The following ARHGEF2 variants were observed in gnomAD, a reference collection of about 807,000 sequenced individuals.
The protein encoded by ARHGEF2 is Rho/Rac guanine nucleotide exchange factor 2, also known as rho guanine nucleotide exchange factor 2.
Under a neutral mutation model 121.0 loss-of-function variants are expected in ARHGEF2, and 22 were observed. That is an observed-to-expected ratio of 0.18 (90% confidence interval 0.13 to 0.26). The LOEUF (loss-of-function observed/expected upper bound fraction) is 0.26. Among genes scored for constraint, ARHGEF2 ranks in the 10% least tolerant of loss-of-function variants. The probability of loss-of-function intolerance (pLI) is 1.00; values close to 1 mark genes in which losing one functional copy is unlikely to be tolerated. For missense variants in ARHGEF2, 907 were observed against 1,336.0 expected (o/e 0.68, Z 5.01); for synonymous variants, 487 against 530.0 (o/e 0.92, Z 1.11).
upstream of ARHGEF2, chr1:155,979,396 A>C: frequency 1.1e-6 from 1 of 914,654 alleles, no homozygotes; most frequent in Non-Finnish European, 1.3e-6. Context: ...CCCAAGAAGC[A>C]GGGTAAGGTG....
At chr1:155,969,594 C>T (rs1024271052) in intron 1 of ARHGEF2, 6 of 1,245,234 alleles carry the variant, frequency 4.8e-6, no homozygotes, top group Middle Eastern at 3.3e-4. Context: ...TAGGTCTCTG[C>T]GTCCTCACTC....
At chr1:155,976,459 GC>G (rs1681307879) in intron 1 of ARHGEF2, among the ~76,000 whole-genome samples, 1 of 141,296 alleles carries the variant, frequency 7.1e-6, no homozygotes, top group African/African-American at 2.7e-5. Flanking sequence ...CAAATTACCT[GC>G]CCCACACAGC....
In ARHGEF2 at chr1:155,969,072, T is replaced by C; in HGVS notation, c.208+84A>G. ...GGATCAGAGAGAAGAGTGACCCTCA[T>C]GGATCCAGGCAGAAAAAACAGATGA... is the stretch of plus-strand genomic sequence containing the variant. On this transcript the variant is annotated intron_variant, in intron 2 of 21. Transcript: ENST00000361247. 3 of 1,545,392 alleles carry C rather than the reference T, an allele frequency of 1.9e-6. 1 individual carries two copies. In the South Asian group the frequency reaches 3.6e-5, roughly 18 times the overall value.
chr1:155,967,369 G>A (rs1025379321), intron 2 of ARHGEF2, among the ~76,000 whole-genome samples: 7 of 152,148 alleles, frequency 4.6e-5, no homozygotes, highest in African/African-American at 1.2e-4. Context: ...CTAACCACCC[G>A]TAGAGGGAGG....
Position 155,958,364 on chromosome 1 carries a change from C to A in ARHGEF2, c.1501G>T (p.Val501Leu). The change falls in exon 12 of 22, where the codon GTG (valine) becomes TTG (leucine). Residue 501 changes from valine (V) to leucine (L), a missense_variant. Around this residue, in one of 2 missense-constraint regions of ARHGEF2, gnomAD observed 475 missense variants for 776.5 expected, o/e 0.61. Transcript: ENST00000361247. ...TTCTGGTCCTTTTCCTGGAGAAACA[C>A]CAGTACATCTGTCATCAGCAGCACT... ...VLVLLMTDVL[V>L]FLQEKDQKYI... 6.2e-7 allele frequency: 1 copy of A among 1,613,938 alleles called. No individual in the cohort carries two copies. Among genetic ancestry groups the A allele is most frequent in the Non-Finnish European group, 8.5e-7 (1 of 1,179,902 alleles).
At chr1:155,966,372 G>T (rs781142993) in intron 4 of ARHGEF2, 44 bp downstream of exon 4, 1 of 1,599,288 alleles carries the variant, frequency 6.3e-7, no homozygotes, top group South Asian at 1.1e-5. Context: ...AGCAGCCTGG[G>T]GTCCAGGGTC....
intron 12 of ARHGEF2, 128 bp downstream of exon 12, chr1:155,958,192 C>T (rs1022760617): frequency 4.0e-5 from 29 of 729,866 alleles, no homozygotes; most frequent in Middle Eastern, 4.8e-4. Flanking sequence ...TTTATTATTA[C>T]GGTAATAGTA....
At chr1:155,953,947 A>G (rs1676057369) in intron 14 of ARHGEF2, among the ~76,000 whole-genome samples, 2 of 151,976 alleles carry the variant, frequency 1.3e-5, no homozygotes, top group African/African-American at 4.8e-5. Context: ...TTGAACTGTT[A>G]TGTTGACAGC....
In ARHGEF2 at chr1:155,961,001, G is replaced by A. The variant is rs886950977; in HGVS notation, c.1468+660C>T. Among the ~76,000 whole-genome samples the A allele has an allele frequency of 1.3e-5, 2 of 152,134 alleles. No individual in the cohort carries two copies. The highest frequency in any genetic ancestry group is 2.9e-5 in the Non-Finnish European group (2 of 68,028). ...GCCTCCTCTGGCTGCGCTCCCCAAA[G>A]CTCTTGCTTACTCCCATCCCTGGTA... On this transcript the variant is annotated intron_variant, in intron 11 of 21. Coordinates refer to ENST00000361247, the MANE Select transcript of ARHGEF2 (RefSeq NM_001162383.2). The surrounding 1 kb of genome is among the most constrained non-coding windows in gnomAD (Gnocchi z 4.7).
chr1:155,967,450 G>A (rs975029883), intron 2 of ARHGEF2, among the ~76,000 whole-genome samples: 19 of 152,134 alleles, frequency 1.2e-4, no homozygotes, highest in African/African-American at 4.1e-4. Context: ...GAGGTCACAC[G>A]GCTAGTGGGA....
intron 14 of ARHGEF2, among the ~76,000 whole-genome samples, chr1:155,953,732 G>A (rs1227590664): frequency 1.6e-5 from 2 of 128,412 alleles, no homozygotes; most frequent in Admixed American, 9.3e-5. Context: ...GGGCGACAGA[G>A]CAAGACCCTG....
In ARHGEF2 at chr1:155,950,168, A is replaced by G; in HGVS notation, c.2887+131T>C. On this transcript the variant is annotated intron_variant, in intron 21 of 21. Transcript: ENST00000361247. This position sits in a 1 kb window ranked among gnomAD's most constrained non-coding sequence, Gnocchi z 5.2. ...TCCACCACCCATTCATCATCAGACA[A>G]AACAGGAAGTCCCTCCCTAGAGTTA... is the stretch of plus-strand genomic sequence containing the variant. 3 of 1,151,506 alleles carry G rather than the reference A, an allele frequency of 2.6e-6. No homozygotes were observed. Among genetic ancestry groups the G allele is most frequent in the Non-Finnish European group, 2.5e-6 (2 of 814,544 alleles). The allele number at this position is 1,151,506 out of a possible 1,614,324, so 71.3% of individuals were successfully genotyped here. A position where few individuals can be genotyped will look rare whatever the true frequency, so the allele number is the denominator to read the frequency against.
chr1:155,955,079 ACTC>A, intron 13 of ARHGEF2, 110 bp from the exon 14 acceptor site: 2 of 830,632 alleles, frequency 2.4e-6, no homozygotes, highest in Non-Finnish European at 3.9e-6. Flanking sequence ...TTCTGATAAG[ACTC>A]CTCAGCCTCA....
At chr1:155,960,977 C>A (rs1016308236) in intron 11 of ARHGEF2, among the ~76,000 whole-genome samples, 16 of 152,294 alleles carry the variant, frequency 1.1e-4, no homozygotes, top group Non-Finnish European at 2.1e-4. Flanking sequence ...CTCCTCTGGG[C>A]CTCCTCTGGC....
chr1:155,958,601 G>A (rs1156723423), intron 11 of ARHGEF2, among the ~76,000 whole-genome samples: 5 of 140,636 alleles, frequency 3.6e-5, no homozygotes, highest in Non-Finnish European at 7.7e-5. Flanking sequence ...TTGATACAGA[G>A]TTTTCATCTT....
In ARHGEF2 at chr1:155,965,606, C is replaced by T. The variant is rs376760663; in HGVS notation, c.470+25G>A. On this transcript the variant is annotated intron_variant, in intron 5 of 21. Transcript: ENST00000361247. This position sits in a 1 kb window ranked among gnomAD's most constrained non-coding sequence, Gnocchi z 6.0. The stretch of plus-strand genomic sequence containing the variant: ...CCTCCACTGCCACACTCTCTGGCTG[C>T]CCCTTTCCCCAAACAGAGGCTCACC... The T allele has an allele frequency of 6.2e-7, 1 of 1,612,328 alleles. No homozygotes were observed. The highest frequency in any genetic ancestry group is 8.5e-7 in the Non-Finnish European group (1 of 1,179,842).
chr1:155,967,529 T>G (rs1332445870), intron 2 of ARHGEF2, among the ~76,000 whole-genome samples: 1 of 152,076 alleles, frequency 6.6e-6, no homozygotes, highest in Non-Finnish European at 1.5e-5. Flanking sequence ...CCACATGCCC[T>G]GGACTCTGGC....
Position 155,952,638 on chromosome 1 carries a change from G to A in ARHGEF2, c.1974C>T (p.Ala658=). ...SPRGERLLQD[A]IREVEGLKDL... ...TGGGAGCTCCCTCACCCTCACGGATGGCATCCTGCAGCAGCCGCTCGCCAC... is the reference window on the plus strand; with the variant it reads ...TGGGAGCTCCCTCACCCTCACGGATAGCATCCTGCAGCAGCCGCTCGCCAC... The change falls in exon 15 of 22, where the codon GCC becomes GCT. Residue 658 remains alanine, a synonymous_variant. Coordinates refer to ENST00000361247, the MANE Select transcript of ARHGEF2 (RefSeq NM_001162383.2). 1 of 1,611,862 alleles carries A rather than the reference G, an allele frequency of 6.2e-7. No homozygotes were observed. Among genetic ancestry groups the A allele is most frequent in the Non-Finnish European group, 8.5e-7 (1 of 1,178,302 alleles).
In ARHGEF2 at chr1:155,949,264, TAAATA is replaced by T. The variant is rs558077837; in HGVS notation, c.2887+1030_2887+1034del. Among the ~76,000 whole-genome samples, 86 of 145,950 alleles carry T rather than the reference TAAATA, an allele frequency of 5.9e-4. 1 individual carries two copies. Among genetic ancestry groups the T allele is most frequent in the Middle Eastern group, 7.6e-3 (2 of 264 alleles). Reference sequence around the variant, plus strand: ...TGAGACTCCATCTTAAATAAATAAATAAATAAAATAAAATAAAATAAAATAAAATA... The same window carrying T: ...TGAGACTCCATCTTAAATAAATAAATAAATAAAATAAAATAAAATAAAATA... On this transcript the variant is annotated intron_variant, in intron 21 of 21. Coordinates refer to ENST00000361247, the MANE Select transcript of ARHGEF2 (RefSeq NM_001162383.2).
Sources: allele counts gnomAD v4.1 joint callset (sites outside exome capture counted in the v4.1 genomes callset), GRCh38; gene constraint gnomAD v4.1.1; regional missense constraint gnomAD v4.1.1; non-coding constraint Gnocchi (gnomAD v3.1); transcripts MANE v1.5; gene names NCBI Gene and HGNC (gene_info 2026-07-23, HGNC 2026-07-21).